The following TGFBI variants were observed in gnomAD, a reference collection of about 807,000 sequenced individuals.
The protein encoded by TGFBI is transforming growth factor beta induced.
Under a neutral mutation model 73.7 loss-of-function variants are expected in TGFBI, and 50 were observed. The observed-to-expected ratio is 0.68, with a 90% confidence interval of 0.54 to 0.86. The LOEUF (loss-of-function observed/expected upper bound fraction) is 0.86. TGFBI is among the 40% of genes least tolerant of loss of function. The pLI, the probability that TGFBI is intolerant of heterozygous loss-of-function variation, is 0.00. For synonymous variants in TGFBI, 362 were observed against 360.5 expected, an observed-to-expected ratio of 1.00 and a Z score of -0.05; for missense variants, 839 against 877.0, an observed-to-expected ratio of 0.96 and a Z score of 0.55.
At position 136,049,496 on chromosome 5, in the gene TGFBI, C is replaced by G. The variant is rs373990552; in HGVS notation, c.829C>G (p.Leu277Val). 28 of 1,614,020 alleles carry G rather than the reference C, an allele frequency of 1.7e-5. No homozygotes were observed. Among genetic ancestry groups the G allele is most frequent in the Middle Eastern group, 1.6e-4 (1 of 6,062 alleles). Residue 277 changes from leucine to valine, a missense_variant, in exon 7 of 17, where the codon CTT becomes GTT. Transcript: ENST00000442011. ...GCTTGAAGGTAACGGCCAGTACACG[C>G]TTTTGGCCCCGACCAATGAGGCCTT... ...TMLEGNGQYTLLAPTNEAFEK... is the reference protein window; with the variant it reads ...TMLEGNGQYTVLAPTNEAFEK...
chr5:136,035,441 G>A (rs1215994547), intron 2 of TGFBI, among the ~76,000 whole-genome samples: 1 of 152,052 alleles, frequency 6.6e-6, no homozygotes, highest in Non-Finnish European at 1.5e-5. Context: ...GGCTAACATG[G>A]TGAAACCCCG....
At chr5:136,049,118 A>G (rs933948351) in intron 6 of TGFBI, 39 of 254,656 alleles carry the variant, frequency 1.5e-4, no homozygotes, top group African/African-American at 8.3e-4. Flanking sequence ...AAGAAATGAT[A>G]TTTTAGTGGA....
intron 13 of TGFBI, 53 bp downstream of exon 13, chr5:136,059,267 A>G: frequency 1.3e-6 from 2 of 1,591,912 alleles, no homozygotes; most frequent in South Asian, 1.1e-5. Flanking sequence ...GCAGGGCTCC[A>G]GGACATATCT....
In TGFBI at chr5:136,058,382, G is replaced by A. The variant is rs114400309; in HGVS notation, c.1679-708G>A. Among the ~76,000 whole-genome samples, 1,025 of 152,142 alleles carry A rather than the reference G, an allele frequency of 6.7e-3. 2 individuals carry two copies. The highest frequency in any genetic ancestry group is 0.021 in the South Asian group (101 of 4,822). ...GATGAGAGGGCAGCTGGAAACTTTCGGAATGACCTCCCACACTTAATTTGG... is the reference window on the plus strand; with the variant it reads ...GATGAGAGGGCAGCTGGAAACTTTCAGAATGACCTCCCACACTTAATTTGG... On this transcript the variant is annotated intron_variant, in intron 12 of 16. Transcript: ENST00000442011.
At chr5:136,043,131 G>C (rs1751368179) in intron 2 of TGFBI, among the ~76,000 whole-genome samples, 1 of 152,242 alleles carries the variant, frequency 6.6e-6, no homozygotes, top group Admixed American at 6.5e-5. Flanking sequence ...CAGGCCTGTT[G>C]AGTAGAGGTC....
At chr5:136,056,905 C>T in intron 12 of TGFBI, 110 bp downstream of exon 12, 1 of 1,358,136 alleles carries the variant, frequency 7.4e-7, no homozygotes, top group Non-Finnish European at 1.0e-6. Context: ...GATTTTATGA[C>T]AAGACTATTA....
rs1751608340 is a variant in TGFBI at position 136,055,184 on chromosome 5, C to G, written c.1410+323C>G. 1.3e-5 allele frequency: 4 copies of G among 297,552 alleles called. No individual in the cohort carries two copies. In the South Asian group the frequency reaches 1.6e-4, roughly 12 times the overall value. 18.4% of individuals were successfully genotyped at this position (297,552 alleles called of 1,614,324 possible). Reference sequence around the variant, plus strand: ...CTTTCTGAGCTTATGAGAAGAGAAGCCCCCTAAACTAAAATACAGCCCTCC... The same window carrying G: ...CTTTCTGAGCTTATGAGAAGAGAAGGCCCCTAAACTAAAATACAGCCCTCC... On this transcript the variant is annotated intron_variant, in intron 10 of 16. Coordinates refer to ENST00000442011, the MANE Select transcript of TGFBI (RefSeq NM_000358.3).
rs760069077 is a variant in TGFBI, at chr5:136,053,082, G to A, written c.1089G>A (p.Val363=). The A allele has an allele frequency of 3.1e-6, 5 of 1,614,060 alleles. No homozygotes were observed. The South Asian group carries it at 3.3e-5, about 11-fold the overall frequency. Residue 363 remains valine, a synonymous_variant, in exon 8 of 17, where the codon GTG becomes GTA. Coordinates refer to ENST00000442011, the MANE Select transcript of TGFBI (RefSeq NM_000358.3). ...SNKDILATNG[V]IHYIDELLIP... ...AAGACATCCTAGCCACCAACGGGGT[G>A]ATCCACTACATTGATGAGCTACTCA...
chr5:136,061,672 G>A (rs1442206792), intron 15 of TGFBI, 93 bp downstream of exon 15: 2 of 1,058,416 alleles, frequency 1.9e-6, no homozygotes, highest in African/African-American at 1.6e-5. Flanking sequence ...GTCTTCCTTG[G>A]CTGCTCCCCA....
At chr5:136,049,302 G>T in intron 6 of TGFBI, 137 bp from the exon 7 acceptor site, 1 of 1,217,810 alleles carries the variant, frequency 8.2e-7, no homozygotes, top group African/African-American at 1.5e-5. Flanking sequence ...GGTGAGCTTG[G>T]GTTTGGCTTC....
chr5:136,051,897 G>C (rs940226844), intron 7 of TGFBI, among the ~76,000 whole-genome samples: 1 of 152,232 alleles, frequency 6.6e-6, no homozygotes, highest in African/African-American at 2.4e-5. Flanking sequence ...CAACTCGTCT[G>C]CAGCAGCCCC....
intron 15 of TGFBI, among the ~76,000 whole-genome samples, chr5:136,062,178 C>T (rs935177626): frequency 9.2e-5 from 14 of 152,264 alleles, no homozygotes; most frequent in Middle Eastern, 3.4e-3. Flanking sequence ...TTTGCTACTT[C>T]GGGTCAGGTG....
chr5:136,061,607 G>A, intron 15 of TGFBI, 28 bp downstream of exon 15: 1 of 1,589,582 alleles, frequency 6.3e-7, no homozygotes, highest in East Asian at 2.2e-5. Flanking sequence ...TTTGCGCCTA[G>A]CCTGAGCAGC....
intron 10 of TGFBI, 136 bp downstream of exon 10, chr5:136,054,997 GA>G (rs1751602505): frequency 3.8e-6 from 4 of 1,060,486 alleles, no homozygotes. Flanking sequence ...ATAATTTCTG[GA>G]AAATATAGAT....
intron 6 of TGFBI, 66 bp downstream of exon 6, chr5:136,047,486 G>A (rs913448723): frequency 5.6e-6 from 9 of 1,593,584 alleles, no homozygotes; most frequent in Non-Finnish European, 7.7e-6. Flanking sequence ...GGGCCTAGCA[G>A]GAACTCTTCT....
chr5:136,033,200 A>C (rs1171790204), intron 1 of TGFBI, among the ~76,000 whole-genome samples: 1 of 152,174 alleles, frequency 6.6e-6, no homozygotes, highest in Non-Finnish European at 1.5e-5. Flanking sequence ...CCACTGTCAG[A>C]GGATGGGAAG....
At chr5:136,052,336 T>C (rs1751552034) in intron 7 of TGFBI, among the ~76,000 whole-genome samples, 1 of 152,256 alleles carries the variant, frequency 6.6e-6, no homozygotes, top group African/African-American at 2.4e-5. Flanking sequence ...TAGTAGACCC[T>C]TGGGCTAAAT....
In TGFBI at chr5:136,056,801, G is replaced by A; in HGVS notation, c.1678+6G>A. On this transcript the variant is annotated splice_donor_region_variant and intron_variant, in intron 12 of 16. Coordinates refer to ENST00000442011, the MANE Select transcript of TGFBI (RefSeq NM_000358.3). ...AGAACGGAGCAGACTCTTGGGTAAA[G>A]ACCAACTTAAGTACACGTCTCCATT... is the stretch of plus-strand genomic sequence containing the variant. The A allele has an allele frequency of 1.2e-6, 2 of 1,611,310 alleles. No individual in the cohort carries two copies. Among genetic ancestry groups the A allele is most frequent in the Non-Finnish European group, 8.5e-7 (1 of 1,178,592 alleles).
chr5:136,044,079 T>C lies in TGFBI; in HGVS notation c.255T>C (p.Cys85=), dbSNP rs777335010. The change falls in exon 3 of 17, where the codon TGT becomes TGC. Residue 85 remains cysteine, a synonymous_variant. Coordinates refer to ENST00000442011, the MANE Select transcript of TGFBI (RefSeq NM_000358.3). ...ACAGAGTCATCAGCTACGAGTGCTG[T>C]CCTGGATATGAAAAGGTCCCTGGGG... ...GKSTVISYEC[C]PGYEKVPGEK... 6.2e-7 allele frequency: 1 copy of C among 1,613,282 alleles called. No homozygotes were observed. Among genetic ancestry groups the C allele is most frequent in the South Asian group, 1.1e-5 (1 of 90,902 alleles).
Sources: allele counts gnomAD v4.1 joint callset (sites outside exome capture counted in the v4.1 genomes callset), GRCh38; gene constraint gnomAD v4.1.1; transcripts MANE v1.5; gene names NCBI Gene and HGNC (gene_info 2026-07-23, HGNC 2026-07-21).